Variants in ROBO2 observed in about 807,000 individuals in gnomAD.
ROBO2 encodes roundabout homolog 2.
In ROBO2, 53 loss-of-function variants were observed where a neutral mutation model predicts 160.8. The ratio of observed to expected loss-of-function variants is 0.33; its 90% CI spans 0.26 to 0.41. The LOEUF is 0.41. ROBO2 is among the 10% of genes least tolerant of loss of function. The probability of loss-of-function intolerance (pLI) is 1.00; values close to 1 mark genes in which losing one functional copy is unlikely to be tolerated. For synonymous variants in ROBO2, 664 were observed against 611.7 expected, an observed-to-expected ratio of 1.09 and a Z score of -1.26; for missense variants, 1,577 against 1,722.4, an observed-to-expected ratio of 0.92 and a Z score of 1.49.
exon 1 of ROBO2, chr3:77,040,658 C>T (rs2063991714): frequency 6.4e-7 from 1 of 1,572,512 alleles, no homozygotes; most frequent in Admixed American, 1.8e-5. Flanking sequence ...ATTTGCTCTT[C>T]TTGACTTTAA....
At chr3:76,781,606 T>C (rs1301980170) in intron 2 of ROBO2, among the ~76,000 whole-genome samples, 2 of 150,850 alleles carry the variant, frequency 1.3e-5, no homozygotes. Flanking sequence ...CATGAAAATG[T>C]GTTGAATTTT....
At chr3:76,949,293 G>T (rs1452066363) in intron 2 of ROBO2, among the ~76,000 whole-genome samples, 1 of 152,086 alleles carries the variant, frequency 6.6e-6, no homozygotes, top group Middle Eastern at 3.4e-3. Context: ...GCAAGTTGTA[G>T]GAATGAGTTT....
At chr3:76,189,536 A>C (rs1451113091) in intron 2 of ROBO2, among the ~76,000 whole-genome samples, 1 of 152,058 alleles carries the variant, frequency 6.6e-6, no homozygotes, top group Non-Finnish European at 1.5e-5. Flanking sequence ...CATTTTTCAG[A>C]TCCAAGATTC....
chr3:77,439,792 GTTC>G (rs2079723044), intron 2 of ROBO2, among the ~76,000 whole-genome samples: 1 of 151,822 alleles, frequency 6.6e-6, no homozygotes, highest in East Asian at 1.9e-4. Context: ...TTTCTCCTGT[GTTC>G]TTCTTTTCTA....
chr3:77,347,678 G>A (rs1400407839), intron 2 of ROBO2, among the ~76,000 whole-genome samples: 1 of 151,934 alleles, frequency 6.6e-6, no homozygotes, highest in African/African-American at 2.4e-5. Flanking sequence ...TTAGAGTATT[G>A]ATCTAAATAG....
chr3:77,242,426 C>CT (rs1050391703), intron 2 of ROBO2, among the ~76,000 whole-genome samples: 1 of 152,116 alleles, frequency 6.6e-6, no homozygotes, highest in Non-Finnish European at 1.5e-5. Context: ...TAAATCAAGT[C>CT]TAAGGTATAG....
chr3:77,199,641 T>G (rs888501500), intron 2 of ROBO2, among the ~76,000 whole-genome samples: 33 of 113,028 alleles, frequency 2.9e-4, no homozygotes, highest in African/African-American at 4.9e-4. Flanking sequence ...TTTTTTTTTT[T>G]TGTGACAGAT....
intron 2 of ROBO2, among the ~76,000 whole-genome samples, chr3:76,668,832 A>C (rs192689621): frequency 6.6e-6 from 1 of 152,200 alleles, no homozygotes; most frequent in African/African-American, 2.4e-5. Flanking sequence ...ATTTCTGAGG[A>C]ACTGAAAGTG....
intron 2 of ROBO2, among the ~76,000 whole-genome samples, chr3:77,325,988 A>G (rs796090355): frequency 2.0e-5 from 3 of 152,290 alleles, no homozygotes; most frequent in African/African-American, 7.2e-5. Flanking sequence ...TCTTTCCTTG[A>G]GCTGCCATTG....
chr3:76,495,327 T>C (rs916655999), intron 2 of ROBO2, among the ~76,000 whole-genome samples: 1 of 151,834 alleles, frequency 6.6e-6, no homozygotes, highest in East Asian at 1.9e-4. Context: ...CATTTAGTGG[T>C]TGAAGATATT....
chr3:77,221,161 C>G (rs2151196518), intron 2 of ROBO2, among the ~76,000 whole-genome samples: 1 of 152,282 alleles, frequency 6.6e-6, no homozygotes, highest in Non-Finnish European at 1.5e-5. Context: ...TCTAGTGGTT[C>G]ATACCTCTGC....
At chr3:77,626,245 T>C (rs1288687063) in intron 23 of ROBO2, among the ~76,000 whole-genome samples, 3 of 152,238 alleles carry the variant, frequency 2.0e-5, no homozygotes, top group Non-Finnish European at 2.9e-5. Flanking sequence ...TTTTTCCTTA[T>C]GCATTTAATC....
At chr3:76,808,635 AT>A (rs1180720050) in intron 2 of ROBO2, among the ~76,000 whole-genome samples, 12 of 152,156 alleles carry the variant, frequency 7.9e-5, no homozygotes, top group Admixed American at 2.0e-4. Context: ...GGGTTGAATC[AT>A]TCTAAGAAGA....
At chr3:77,102,844 G>T (rs1315933850) in intron 2 of ROBO2, among the ~76,000 whole-genome samples, 12 of 96,896 alleles carry the variant, frequency 1.2e-4, no homozygotes, top group South Asian at 3.4e-4. Flanking sequence ...TTTTTTCTTA[G>T]TTTGCAAAAA....
chr3:77,038,755 C>G (rs1366244582), upstream of ROBO2, among the ~76,000 whole-genome samples: 1 of 152,186 alleles, frequency 6.6e-6, no homozygotes. Flanking sequence ...TCTAACGTGA[C>G]CTTCCTTCAT....
chr3:77,620,977 A>C (rs1286455704), intron 22 of ROBO2, among the ~76,000 whole-genome samples: 6 of 152,214 alleles, frequency 3.9e-5, no homozygotes, highest in African/African-American at 1.4e-4. Flanking sequence ...GTAACAAATA[A>C]CAATAAATTC....
chr3:76,251,746 T>C (rs947598588), intron 2 of ROBO2, among the ~76,000 whole-genome samples: 3 of 152,066 alleles, frequency 2.0e-5, no homozygotes, highest in East Asian at 1.9e-4. Flanking sequence ...TTGAATTAGT[T>C]TGAAGCTAGG....
At chr3:76,381,512 G>A (rs984999484) in intron 2 of ROBO2, among the ~76,000 whole-genome samples, 1 of 151,892 alleles carries the variant, frequency 6.6e-6, no homozygotes, top group East Asian at 1.9e-4. Flanking sequence ...ACCGCGCCCG[G>A]CTTATTTTTT....
intron 2 of ROBO2, among the ~76,000 whole-genome samples, chr3:76,357,358 C>A (rs147869440): frequency 6.6e-6 from 1 of 152,018 alleles, no homozygotes; most frequent in Non-Finnish European, 1.5e-5. Flanking sequence ...AAATACTACT[C>A]AGCAATACAA....
Sources: allele counts gnomAD v4.1 joint callset (sites outside exome capture counted in the v4.1 genomes callset), GRCh38; gene constraint gnomAD v4.1.1; transcripts MANE v1.5; gene names NCBI Gene and HGNC (gene_info 2026-07-23, HGNC 2026-07-21).